Variants in PRKCE observed in about 807,000 individuals in gnomAD.
PRKCE encodes the protein protein kinase C epsilon, also known as protein kinase C epsilon type.
In PRKCE, 16 loss-of-function variants were observed where a neutral mutation model predicts 85.4. That is an observed-to-expected ratio of 0.19 (90% CI 0.13 to 0.28). PRKCE has a LOEUF of 0.28. Among genes scored for constraint, PRKCE ranks in the 10% least tolerant of loss-of-function variants. The pLI is 1.00. For synonymous variants in PRKCE, 388 were observed against 371.5 expected, an observed-to-expected ratio of 1.04 and a Z score of -0.51; for missense variants, 573 against 975.2, an observed-to-expected ratio of 0.59 and a Z score of 5.49.
At chr2:46,017,720 T>C (rs1161219471) in intron 10 of PRKCE, among the ~76,000 whole-genome samples, 1 of 152,238 alleles carries the variant, frequency 6.6e-6, no homozygotes, top group Non-Finnish European at 1.5e-5. Flanking sequence ...CCAACACTTA[T>C]TTCTTTATTT....
At chr2:46,117,047 A>T (rs921810694) in intron 11 of PRKCE, among the ~76,000 whole-genome samples, 3 of 152,228 alleles carry the variant, frequency 2.0e-5, no homozygotes, top group South Asian at 2.1e-4. Context: ...ATCAAATCTG[A>T]TGTTTCAAGG....
chr2:45,815,193 G>A (rs1688943680), intron 1 of PRKCE, among the ~76,000 whole-genome samples: 1 of 152,210 alleles, frequency 6.6e-6, no homozygotes, highest in Non-Finnish European at 1.5e-5. Context: ...TGATACACCA[G>A]TTACCCCCCT....
chr2:45,864,390 C>G (rs1376654925), intron 2 of PRKCE, among the ~76,000 whole-genome samples: 1 of 152,210 alleles, frequency 6.6e-6, no homozygotes, highest in Non-Finnish European at 1.5e-5. Context: ...ACACCACCCT[C>G]ATGTAACCTT....
intron 1 of PRKCE, among the ~76,000 whole-genome samples, chr2:45,803,948 G>T (rs1017046121): frequency 6.6e-6 from 1 of 152,104 alleles, no homozygotes; most frequent in Admixed American, 6.5e-5. Flanking sequence ...AGGATCCTCC[G>T]GTCCTTATCC....
intron 1 of PRKCE, among the ~76,000 whole-genome samples, chr2:45,700,310 G>A (rs956746238): frequency 6.6e-6 from 1 of 152,048 alleles, no homozygotes; most frequent in South Asian, 2.1e-4. Context: ...GGAAAACTAA[G>A]GGTGGTGAGG....
chr2:45,687,041 C>T (rs1264211429), intron 1 of PRKCE, among the ~76,000 whole-genome samples: 1 of 152,028 alleles, frequency 6.6e-6, no homozygotes, highest in Non-Finnish European at 1.5e-5. Flanking sequence ...TGTGGTGGTA[C>T]AGTCTTCCTA....
intron 2 of PRKCE, among the ~76,000 whole-genome samples, chr2:45,967,585 G>A (rs1202179083): frequency 6.6e-6 from 1 of 152,186 alleles, no homozygotes; most frequent in African/African-American, 2.4e-5. Context: ...ATTTAGGACT[G>A]CCCCAAGTCT....
intron 1 of PRKCE, among the ~76,000 whole-genome samples, chr2:45,776,020 C>A (rs1356068473): frequency 6.6e-6 from 1 of 152,172 alleles, no homozygotes; most frequent in Non-Finnish European, 1.5e-5. Flanking sequence ...ATAAGGCATA[C>A]CCTGAATACT....
At chr2:45,744,454 T>C (rs1055736741) in intron 1 of PRKCE, among the ~76,000 whole-genome samples, 1 of 59,562 alleles carries the variant, frequency 1.7e-5, no homozygotes, top group Non-Finnish European at 3.3e-5. Context: ...TCTTTCTTTC[T>C]TTCTTTCTTT....
At chr2:45,822,507 A>G (rs1457181741) in intron 1 of PRKCE, among the ~76,000 whole-genome samples, 1 of 152,224 alleles carries the variant, frequency 6.6e-6, no homozygotes, top group Admixed American at 6.5e-5. Flanking sequence ...ATGTGGACAC[A>G]AGGGTAACTG....
chr2:45,861,988 C>T (rs11888348), intron 2 of PRKCE, among the ~76,000 whole-genome samples: 4,677 of 152,180 alleles, frequency 0.031, 248 homozygotes, highest in African/African-American at 0.1. Flanking sequence ...CAAAAACATA[C>T]GCCAGCATAG....
intron 4 of PRKCE, 96 bp from the exon 5 acceptor site, chr2:45,980,200 G>T: frequency 8.7e-7 from 1 of 1,152,976 alleles, no homozygotes; most frequent in South Asian, 1.4e-5. Flanking sequence ...AAGGGGCCTG[G>T]CTCCCCTTGT....
chr2:45,807,296 A>G (rs937675989), intron 1 of PRKCE, among the ~76,000 whole-genome samples: 1 of 152,272 alleles, frequency 6.6e-6, no homozygotes. Flanking sequence ...GGAATGATCA[A>G]AGATGGGCTT....
chr2:46,122,881 G>GTTTTTTTTTTTTTTTT (rs1244942634), intron 11 of PRKCE, among the ~76,000 whole-genome samples: 1 of 117,188 alleles, frequency 8.5e-6, no homozygotes, highest in Non-Finnish European at 1.7e-5. Flanking sequence ...AACAGTCTGG[G>GTTTTTTTTTTTTTTTT]TTTTTTTTTT....
rs560482998 is a variant in PRKCE, at chr2:45,724,098, C to T, written c.348+71650C>T. Among the ~76,000 whole-genome samples the T allele has an allele frequency of 6.6e-5, 10 of 152,246 alleles. No homozygotes were observed. The Middle Eastern group carries it at 0.014, about 207-fold the overall frequency. Reference sequence around the variant, plus strand: ...AGGCACACCTTGTTTTATTGCACTTCGCAGATGTTGTGCTTTTTACAGATT... The same window carrying T: ...AGGCACACCTTGTTTTATTGCACTTTGCAGATGTTGTGCTTTTTACAGATT... On this transcript the variant is annotated intron_variant, in intron 1 of 14. Coordinates refer to ENST00000306156, the MANE Select transcript of PRKCE (RefSeq NM_005400.3).
intron 2 of PRKCE, among the ~76,000 whole-genome samples, chr2:45,942,345 C>A (rs1427272867): frequency 6.6e-6 from 1 of 152,150 alleles, no homozygotes; most frequent in South Asian, 2.1e-4. Context: ...AGAATGACAT[C>A]ATGTGGCTGA....
chr2:45,757,854 AACTGAAT>A (rs1684136840), intron 1 of PRKCE, among the ~76,000 whole-genome samples: 1 of 152,158 alleles, frequency 6.6e-6, no homozygotes, highest in Admixed American at 6.5e-5. Flanking sequence ...CCACTGTCAA[AACTGAAT>A]GTACATAAGG....
At chr2:45,721,108 AAAAAC>A (rs1344586773) in intron 1 of PRKCE, among the ~76,000 whole-genome samples, 3 of 152,280 alleles carry the variant, frequency 2.0e-5, no homozygotes, top group East Asian at 1.9e-4. Flanking sequence ...CTCCATCTCA[AAAAAC>A]AAAACAAAAC....
intron 10 of PRKCE, among the ~76,000 whole-genome samples, chr2:46,064,881 A>G (rs1276701773): frequency 6.6e-6 from 1 of 152,146 alleles, no homozygotes; most frequent in African/African-American, 2.4e-5. Flanking sequence ...GTGGGGAGAA[A>G]AGGACTGGGG....
Sources: allele counts gnomAD v4.1 joint callset (sites outside exome capture counted in the v4.1 genomes callset), GRCh38; gene constraint gnomAD v4.1.1; transcripts MANE v1.5; gene names NCBI Gene and HGNC (gene_info 2026-07-23, HGNC 2026-07-21).